LPAR1: variants seen among roughly 807,000 people sequenced by gnomAD.
The protein encoded by LPAR1 is LPA receptor 1.
LPAR1 carries 5 observed loss-of-function variants against 23.8 expected under a neutral mutation model. The observed-to-expected ratio is 0.21, with a 90% confidence interval of 0.11 to 0.44. LPAR1 has a LOEUF of 0.44. Among genes scored for constraint, LPAR1 ranks in the 20% least tolerant of loss-of-function variants. The pLI is 0.99. For missense variants in LPAR1, 311 were observed against 482.8 expected (o/e 0.64, Z 3.33); for synonymous variants, 160 against 164.7 (o/e 0.97, Z 0.22).
At chr9:110,938,746 C>A (rs1564104893) in intron 5 of LPAR1, among the ~76,000 whole-genome samples, 1 of 151,440 alleles carries the variant, frequency 6.6e-6, no homozygotes, top group Non-Finnish European at 1.5e-5. Context: ...TGGTGGTATG[C>A]ACCTGTAATC....
At chr9:110,962,422 C>T (rs539315415) in intron 4 of LPAR1, among the ~76,000 whole-genome samples, 1 of 152,288 alleles carries the variant, frequency 6.6e-6, no homozygotes, top group African/African-American at 2.4e-5. Flanking sequence ...CCTACACCTG[C>T]TCCACTCCAA....
At chr9:110,957,204 C>CA (rs71494807) in intron 4 of LPAR1, among the ~76,000 whole-genome samples, 32,185 of 143,400 alleles carry the variant, frequency 0.22, 4,182 homozygotes, top group Admixed American at 0.3. Flanking sequence ...GCCATCTCTA[C>CA]AAAAAAAAAA....
intron 2 of LPAR1, among the ~76,000 whole-genome samples, chr9:110,978,828 C>T (rs1469812537): frequency 6.6e-6 from 1 of 152,076 alleles, no homozygotes; most frequent in Non-Finnish European, 1.5e-5. Flanking sequence ...CAAACAAAAA[C>T]AGGATGCTTA....
chr9:111,014,383 T>C (rs1390267167), intron 2 of LPAR1, among the ~76,000 whole-genome samples: 1 of 152,062 alleles, frequency 6.6e-6, no homozygotes, highest in East Asian at 1.9e-4. Flanking sequence ...AACTCCCCAG[T>C]TTGCACATCC....
At chr9:110,913,206 TATCTACGTAG>T (rs2092675644) in intron 5 of LPAR1, among the ~76,000 whole-genome samples, 2 of 152,224 alleles carry the variant, frequency 1.3e-5, no homozygotes, top group Admixed American at 6.5e-5. Flanking sequence ...TCTAGCTATG[TATCTACGTAG>T]ATACCTCTTG....
chr9:111,036,422 T>A (rs2097896561), intron 1 of LPAR1, among the ~76,000 whole-genome samples: 1 of 151,980 alleles, frequency 6.6e-6, no homozygotes, highest in Non-Finnish European at 1.5e-5. Flanking sequence ...CTCAAGAATT[T>A]TTCTCCTCCA....
intron 5 of LPAR1, among the ~76,000 whole-genome samples, chr9:110,901,031 A>C (rs7873106): frequency 0.16 from 24,995 of 152,256 alleles, 2,621 homozygotes; most frequent in Admixed American, 0.24. Context: ...CTTCAGAGTG[A>C]AAGCATGCAT....
chr9:111,006,962 A>G (rs1230636626), intron 2 of LPAR1, among the ~76,000 whole-genome samples: 3 of 152,020 alleles, frequency 2.0e-5, no homozygotes, highest in Non-Finnish European at 4.4e-5. Context: ...GTTCTGGAAC[A>G]TTCTCTTGGT....
At chr9:110,963,261 T>C (rs532963143) in intron 4 of LPAR1, among the ~76,000 whole-genome samples, 2 of 152,310 alleles carry the variant, frequency 1.3e-5, no homozygotes, top group South Asian at 4.1e-4. Context: ...TCCAAAATAA[T>C]ATCTCTTCTC....
intron 2 of LPAR1, among the ~76,000 whole-genome samples, chr9:110,995,538 A>G (rs1332421191): frequency 1.3e-5 from 2 of 152,130 alleles, no homozygotes; most frequent in African/African-American, 2.4e-5. Context: ...AACAGTAAAT[A>G]TAGAGGGGAA....
At chr9:110,918,437 A>G (rs1030382759) in intron 5 of LPAR1, among the ~76,000 whole-genome samples, 1 of 152,190 alleles carries the variant, frequency 6.6e-6, no homozygotes, top group Admixed American at 6.5e-5. Context: ...GCCATTCTGC[A>G]GACACTCAGG....
At chr9:110,903,762 C>A (rs75292072) in intron 5 of LPAR1, among the ~76,000 whole-genome samples, 1 of 150,674 alleles carries the variant, frequency 6.6e-6, no homozygotes, top group Non-Finnish European at 1.5e-5. Context: ...TTAAAATTTT[C>A]TAAATTTGGC....
chr9:110,885,852 G>A (rs1188285481), intron 5 of LPAR1, among the ~76,000 whole-genome samples: 4 of 151,960 alleles, frequency 2.6e-5, no homozygotes, highest in South Asian at 4.2e-4. Context: ...CACCTGAGGT[G>A]AGGAGTTCGA....
chr9:110,964,787 A>G (rs543145778), intron 4 of LPAR1, among the ~76,000 whole-genome samples: 9 of 151,064 alleles, frequency 6.0e-5, no homozygotes, highest in Non-Finnish European at 1.0e-4. Flanking sequence ...TTTTGTTGAG[A>G]GTACCTATTG....
At chr9:110,894,842 C>T (rs896081952) in intron 5 of LPAR1, among the ~76,000 whole-genome samples, 2 of 147,272 alleles carry the variant, frequency 1.4e-5, no homozygotes, top group African/African-American at 5.3e-5. Flanking sequence ...GAGCTGAAAC[C>T]CTACCTCCAG....
intron 2 of LPAR1, among the ~76,000 whole-genome samples, chr9:111,012,086 C>A (rs751757174): frequency 6.6e-6 from 1 of 152,044 alleles, no homozygotes; most frequent in Non-Finnish European, 1.5e-5. Flanking sequence ...CCTGTCTCTA[C>A]AAAAAAATTT....
At chr9:110,921,660 C>T (rs892057290) in intron 5 of LPAR1, among the ~76,000 whole-genome samples, 3 of 152,124 alleles carry the variant, frequency 2.0e-5, no homozygotes, top group South Asian at 2.1e-4. Flanking sequence ...ATACATTTTC[C>T]GGGTTGATAC....
intron 2 of LPAR1, among the ~76,000 whole-genome samples, chr9:111,021,700 C>A (rs751580008): frequency 2.0e-5 from 3 of 152,174 alleles, no homozygotes; most frequent in African/African-American, 4.8e-5. Context: ...GTGGCTCACG[C>A]CTGTAATCCC....
At chr9:110,890,225 A>G (rs1303462832) in intron 5 of LPAR1, among the ~76,000 whole-genome samples, 2 of 152,194 alleles carry the variant, frequency 1.3e-5, no homozygotes, top group African/African-American at 4.8e-5. Context: ...ACAAACTATG[A>G]CAATTGATGT....
Sources: gnomAD v4.1 joint callset for allele counts (sites outside exome capture counted in the v4.1 genomes callset) on GRCh38, gnomAD v4.1.1 for gene constraint, MANE v1.5 for transcripts, NCBI Gene and HGNC (gene_info 2026-07-23, HGNC 2026-07-21) for gene names.